ANKRD30B: variants seen among roughly 807,000 people sequenced by gnomAD.
ANKRD30B encodes ankyrin repeat domain-containing protein 30B.
Under a neutral mutation model 202.2 loss-of-function variants are expected in ANKRD30B, and 144 were observed. That is an observed-to-expected ratio of 0.71 (90% CI 0.62 to 0.82). ANKRD30B has a LOEUF of 0.82. Among genes scored for constraint, ANKRD30B ranks in the 40% least tolerant of loss-of-function variants. ANKRD30B has a pLI of 0.00. For missense variants in ANKRD30B, 1,487 were observed against 1,669.1 expected, an observed-to-expected ratio of 0.89 and a Z score of 1.90; for synonymous variants, 508 against 561.3, an observed-to-expected ratio of 0.91 and a Z score of 1.34.
At chr18:14,847,052 A>ATATGTG (rs1279669311) in intron 39 of ANKRD30B, among the ~76,000 whole-genome samples, 63 of 11,916 alleles carry the variant, frequency 5.3e-3, no homozygotes, top group African/African-American at 0.018. Context: ...ATTTAGTTTT[A>ATATGTG]TATATATATA....
At chr18:14,856,652 C>T (rs1187742707), downstream of ANKRD30B, among the ~76,000 whole-genome samples, 17 of 127,274 alleles carry the variant, frequency 1.3e-4, no homozygotes, top group South Asian at 4.9e-4. Flanking sequence ...GATTGTGTGT[C>T]GTCCATTCAG....
At chr18:14,762,206 A>G (rs1915371474) in intron 6 of ANKRD30B, among the ~76,000 whole-genome samples, 1 of 152,234 alleles carries the variant, frequency 6.6e-6, no homozygotes. Context: ...GCCATCTTGC[A>G]GTGGGAAAGG....
rs774732481 is a variant in ANKRD30B, at chr18:14,791,425, A to C, written c.1759A>C (p.Lys587Gln). 1.9e-6 allele frequency: 3 copies of C among 1,609,680 alleles called. No homozygotes were observed. In the South Asian group the frequency reaches 3.3e-5, roughly 18 times the overall value. ...GAGTCCCTGTGAGACGGTTTCACAG[A>C]AGGATGTGTATTTACCCAAAGCTAC... is the stretch of plus-strand genomic sequence containing the variant. ...SESPCETVSQKDVYLPKATHQ... is the reference protein window; with the variant it reads ...SESPCETVSQQDVYLPKATHQ... Residue 587 changes from lysine (K) to glutamine (Q), a missense_variant, in exon 16 of 44, where the codon AAG (lysine) becomes CAG (glutamine). Lys to Gln is a moderately conservative substitution (Grantham distance 53). Coordinates refer to ENST00000690538, the MANE Select transcript of ANKRD30B (RefSeq NM_001367607.2).
intron 28 of ANKRD30B, among the ~76,000 whole-genome samples, chr18:14,811,432 T>C (rs9284404): frequency 0.015 from 2,253 of 148,146 alleles, 72 homozygotes; most frequent in African/African-American, 0.05. Flanking sequence ...AGGATGGTCT[T>C]GACCTGCTGA....
the ANKRD30B span, among the ~76,000 whole-genome samples, chr18:14,935,182 C>T: frequency 6.6e-6 from 1 of 152,274 alleles, no homozygotes; most frequent in African/African-American, 2.4e-5. Flanking sequence ...GGGAGGGGTA[C>T]CTCGAGGAGG....
chr18:14,815,439 T>C (rs939056512), intron 30 of ANKRD30B, among the ~76,000 whole-genome samples: 7 of 152,292 alleles, frequency 4.6e-5, no homozygotes, highest in African/African-American at 1.7e-4. Context: ...ATGCTGATGC[T>C]GGTGGTCCTT....
At chr18:14,876,621 C>G in the ANKRD30B span, among the ~76,000 whole-genome samples, 1 of 152,158 alleles carries the variant, frequency 6.6e-6, no homozygotes, top group East Asian at 1.9e-4. Flanking sequence ...GGAAGGACTT[C>G]CAAACAAATG....
chr18:14,917,154 G>A, the ANKRD30B span, among the ~76,000 whole-genome samples: 79,789 of 152,028 alleles, frequency 0.52, 21,281 homozygotes, highest in African/African-American at 0.6. Flanking sequence ...CGGCCCCAGT[G>A]CCTACTGCAG....
chr18:14,923,920 A>G, the ANKRD30B span, among the ~76,000 whole-genome samples: 16 of 152,170 alleles, frequency 1.1e-4, no homozygotes, highest in Admixed American at 9.8e-4. Flanking sequence ...TGAAGACACT[A>G]TATCACCTGT....
Position 14,782,590 on chromosome 18 carries a change from A to G in ANKRD30B, c.1546A>G (p.Met516Val), listed in dbSNP as rs1485446370. The stretch of plus-strand genomic sequence containing the variant: ...ACCTGAGTCTATGTATCAGAAAGTA[A>G]TGGAGATAAATAGAGAAGTAGAAGG... ...CIPESMYQKV[M>V]EINREVEELP... Residue 516 changes from methionine to valine, a missense_variant, in exon 12 of 44, where the codon ATG (methionine) becomes GTG (valine). Physicochemically the swap from Met to Val is conservative, Grantham distance 21 (BLOSUM62 1). Transcript: ENST00000690538. The G allele has an allele frequency of 1.9e-6, 3 of 1,582,012 alleles. No individual in the cohort carries two copies. The African/African-American group carries it at 4.1e-5, about 22-fold the overall frequency.
At chr18:14,856,161 C>T (rs1972102612), downstream of ANKRD30B, among the ~76,000 whole-genome samples, 1 of 143,780 alleles carries the variant, frequency 7.0e-6, no homozygotes, top group African/African-American at 2.6e-5. Context: ...ATGGGACGGC[C>T]AGGCAGAGGC....
chr18:14,831,268 C>A, intron 33 of ANKRD30B, 115 bp from the exon 34 acceptor site: 2 of 603,890 alleles, frequency 3.3e-6, no homozygotes, highest in Non-Finnish European at 2.9e-6. Context: ...ACTGATCTTT[C>A]CCCAGATTTT....
At chr18:14,796,870 C>A (rs138129478) in intron 18 of ANKRD30B, among the ~76,000 whole-genome samples, 282 of 151,988 alleles carry the variant, frequency 1.9e-3, no homozygotes, top group African/African-American at 6.3e-3. Context: ...TGAGATGGTC[C>A]CATGTGGATG....
intron 32 of ANKRD30B, chr18:14,825,071 A>C (rs1049495923): frequency 6.6e-6 from 1 of 152,102 alleles, no homozygotes; most frequent in African/African-American, 2.4e-5. Flanking sequence ...TTGTGCTGAT[A>C]ATTGTTGTCC....
chr18:14,896,382 C>T, the ANKRD30B span, among the ~76,000 whole-genome samples: 8 of 152,114 alleles, frequency 5.3e-5, no homozygotes, highest in South Asian at 2.1e-4. Context: ...CTGCCCACCT[C>T]GGCCTCCCAA....
chr18:14,839,588 C>T (rs2143165854), intron 36 of ANKRD30B, among the ~76,000 whole-genome samples: 1 of 152,298 alleles, frequency 6.6e-6, no homozygotes, highest in Admixed American at 6.5e-5. Flanking sequence ...TTATTTTTCT[C>T]TTTATATGAA....
intron 7 of ANKRD30B, among the ~76,000 whole-genome samples, chr18:14,768,015 G>C (rs1313772903): frequency 2.0e-5 from 3 of 152,212 alleles, no homozygotes; most frequent in Non-Finnish European, 2.9e-5. Flanking sequence ...TAATAATTGA[G>C]TGATGGCTGG....
chr18:14,799,276 C>G lies in ANKRD30B; in HGVS notation c.2112C>G (p.Asp704Glu). 3 of 1,542,878 alleles carry G rather than the reference C, an allele frequency of 1.9e-6. No homozygotes were observed. Among genetic ancestry groups the G allele is most frequent in the Non-Finnish European group, 2.6e-6 (3 of 1,146,278 alleles). ...CAAATAAAGCTTTAGAATTGAAGGA[C>G]AGAGAAACATTCAAAGCAGGTAAAT... Reference protein sequence around the residue: ...SLPNKALELKDRETFKAAQMF... With the variant: ...SLPNKALELKERETFKAAQMF... Residue 704 changes from aspartate to glutamate, a missense_variant, in exon 22 of 44, where the codon GAC (aspartate) becomes GAG (glutamate). Physicochemically the swap from Asp to Glu is conservative, Grantham distance 45 (BLOSUM62 2). Transcript: ENST00000690538.
At chr18:14,831,316 A>C (rs1313461241) in intron 33 of ANKRD30B, 67 bp from the exon 34 acceptor site, 3 of 1,112,504 alleles carry the variant, frequency 2.7e-6, no homozygotes, top group Non-Finnish European at 3.9e-6. Context: ...GCACTAAGAT[A>C]TGAACTGGCA....
Sources: gnomAD v4.1 joint callset for allele counts (sites outside exome capture counted in the v4.1 genomes callset) on GRCh38, gnomAD v4.1.1 for gene constraint, MANE v1.5 for transcripts, NCBI Gene and HGNC (gene_info 2026-07-23, HGNC 2026-07-21) for gene names.